B3GALT1: variants seen among roughly 807,000 people sequenced by gnomAD.
The protein encoded by B3GALT1 is UDP-Gal:betaGlcNAc beta 1,3-galactosyltransferase, polypeptide 1.
B3GALT1 carries 10 observed loss-of-function variants against 23.2 expected under a neutral mutation model. The ratio of observed to expected loss-of-function variants is 0.43; its 90% CI spans 0.27 to 0.73. B3GALT1 has a LOEUF of 0.73. Among genes scored for constraint, B3GALT1 ranks in the 30% least tolerant of loss-of-function variants. B3GALT1 has a pLI of 0.21. For missense variants in B3GALT1, 299 were observed against 405.4 expected, an observed-to-expected ratio of 0.74 and a Z score of 2.25; for synonymous variants, 156 against 141.5, an observed-to-expected ratio of 1.10 and a Z score of -0.73.
chr2:167,786,565 C>T (rs539752845), intron 3 of B3GALT1, among the ~76,000 whole-genome samples: 1 of 152,252 alleles, frequency 6.6e-6, no homozygotes, highest in South Asian at 2.1e-4. Context: ...GACATAGTTA[C>T]GAGACAGGCT....
intron 3 of B3GALT1, among the ~76,000 whole-genome samples, chr2:167,724,004 T>C (rs1687271203): frequency 6.6e-6 from 1 of 152,220 alleles, no homozygotes; most frequent in Non-Finnish European, 1.5e-5. Context: ...GTTTTTACAT[T>C]TGATACATCT....
At chr2:167,470,771 G>A (rs141231140) in intron 1 of B3GALT1, among the ~76,000 whole-genome samples, 2,496 of 152,232 alleles carry the variant, frequency 0.016, 28 homozygotes, top group Non-Finnish European at 0.023. Context: ...GAGAGATATA[G>A]CAAACCAGTT....
intron 2 of B3GALT1, chr2:167,558,271 T>C (rs1463980538): frequency 2.0e-5 from 3 of 152,210 alleles, no homozygotes; most frequent in Admixed American, 6.5e-5. Context: ...AAATCAAGTT[T>C]ACAACAGATT....
chr2:167,472,429 C>G (rs890873472), intron 1 of B3GALT1, among the ~76,000 whole-genome samples: 5 of 152,138 alleles, frequency 3.3e-5, no homozygotes, highest in Non-Finnish European at 7.4e-5. Context: ...CTTCCCAATT[C>G]ATAGGTCTAA....
chr2:167,668,998 T>C (rs985798944), intron 3 of B3GALT1, among the ~76,000 whole-genome samples: 2 of 152,158 alleles, frequency 1.3e-5, no homozygotes, highest in Non-Finnish European at 2.9e-5. Context: ...CAATGAGGCC[T>C]CCTCTGCCTT....
intron 3 of B3GALT1, among the ~76,000 whole-genome samples, chr2:167,764,298 T>C (rs899452600): frequency 6.6e-6 from 1 of 152,188 alleles, no homozygotes; most frequent in Non-Finnish European, 1.5e-5. Context: ...TGGTTTACAG[T>C]CCTTCTCATT....
chr2:167,637,842 T>C (rs1389447680), intron 2 of B3GALT1, among the ~76,000 whole-genome samples: 1 of 151,666 alleles, frequency 6.6e-6, no homozygotes, highest in Non-Finnish European at 1.5e-5. Flanking sequence ...TTTTTTTTTT[T>C]CTTTTCTTTT....
At chr2:167,380,974 T>C (rs1697840227) in intron 1 of B3GALT1, among the ~76,000 whole-genome samples, 1 of 152,226 alleles carries the variant, frequency 6.6e-6, no homozygotes, top group South Asian at 2.1e-4. Flanking sequence ...CTTTATGTAC[T>C]ATCTTGCTGT....
chr2:167,713,295 G>C (rs1401000280), intron 3 of B3GALT1, among the ~76,000 whole-genome samples: 3 of 152,154 alleles, frequency 2.0e-5, no homozygotes, highest in Non-Finnish European at 4.4e-5. Context: ...GGTTTTCTTG[G>C]AAGGAAGATC....
At chr2:167,449,971 A>G (rs1699062438) in intron 1 of B3GALT1, among the ~76,000 whole-genome samples, 1 of 152,072 alleles carries the variant, frequency 6.6e-6, no homozygotes, top group Admixed American at 6.6e-5. Flanking sequence ...AATCTTTTTG[A>G]CACGCTTTTG....
chr2:167,360,795 A>G (rs1239015387), intron 1 of B3GALT1, among the ~76,000 whole-genome samples: 1 of 152,178 alleles, frequency 6.6e-6, no homozygotes, highest in Admixed American at 6.5e-5. Flanking sequence ...GTACTATCAA[A>G]TACTAGAACA....
intron 3 of B3GALT1, among the ~76,000 whole-genome samples, chr2:167,802,942 T>A (rs984593139): frequency 1.3e-5 from 2 of 152,138 alleles, no homozygotes; most frequent in African/African-American, 4.8e-5. Flanking sequence ...AAGGTATATA[T>A]TCACATTGGA....
chr2:167,332,616 C>T (rs1696991096), intron 1 of B3GALT1, among the ~76,000 whole-genome samples: 1 of 152,186 alleles, frequency 6.6e-6, no homozygotes, highest in African/African-American at 2.4e-5. Flanking sequence ...TAGTAAAGAT[C>T]ATACAGGATG....
chr2:167,808,440 C>CCTTTCCATGT (rs1688808721), intron 3 of B3GALT1, among the ~76,000 whole-genome samples: 1 of 146,582 alleles, frequency 6.8e-6, no homozygotes, highest in African/African-American at 2.5e-5. Flanking sequence ...GTGGCTGGTA[C>CCTTTCCATGT]TTAGTTCTTC....
chr2:167,604,549 G>T (rs734283), intron 2 of B3GALT1, among the ~76,000 whole-genome samples: 121,861 of 152,130 alleles, frequency 0.8, 48,885 homozygotes, highest in Admixed American at 0.87. Flanking sequence ...ACCGTATCTA[G>T]TACCACACTG....
At chr2:167,736,926 T>G (rs1687501747) in intron 3 of B3GALT1, among the ~76,000 whole-genome samples, 1 of 151,744 alleles carries the variant, frequency 6.6e-6, no homozygotes, top group South Asian at 2.1e-4. Flanking sequence ...AGTGAGACTC[T>G]GTCCCCCCCT....
chr2:167,406,705 C>A (rs1208198038), intron 1 of B3GALT1, among the ~76,000 whole-genome samples: 3 of 152,196 alleles, frequency 2.0e-5, no homozygotes, highest in Non-Finnish European at 4.4e-5. Context: ...GGGGGCAGGA[C>A]TGACATTCCC....
chr2:167,402,145 T>C (rs1209288466), intron 1 of B3GALT1, among the ~76,000 whole-genome samples: 1 of 152,138 alleles, frequency 6.6e-6, no homozygotes, highest in Non-Finnish European at 1.5e-5. Context: ...GGGAGCTAAA[T>C]GTTAAAATAA....
Position 167,726,210 on chromosome 2 carries a change from C to T in B3GALT1, c.-352+79244C>T, listed in dbSNP as rs150376971. Among the ~76,000 whole-genome samples the T allele has an allele frequency of 4.0e-4, 61 of 152,280 alleles. 2 individuals are homozygous for T. The East Asian group carries it at 0.01, about 26-fold the overall frequency. ...CTGCCCTGCTTCCAAGTATTTCTAG[C>T]ACACCAAGCTTCTTTGTGAGTCTTG... On this transcript the variant is annotated intron_variant, in intron 3 of 4. Transcript: ENST00000392690.
Sources: gnomAD v4.1 joint callset for allele counts (sites outside exome capture counted in the v4.1 genomes callset) on GRCh38, gnomAD v4.1.1 for gene constraint, MANE v1.5 for transcripts, NCBI Gene and HGNC (gene_info 2026-07-23, HGNC 2026-07-21) for gene names.